Variants in SAXO1 observed in about 807,000 individuals in gnomAD.
SAXO1 encodes the protein stabilizer of axonemal microtubules 1, also known as 4930500O09Rik.
Under a neutral mutation model 17.5 loss-of-function variants are expected in SAXO1, and 21 were observed. That is an observed-to-expected ratio of 1.20 (90% CI 0.85 to 1.72). SAXO1 has a LOEUF of 1.72. Ranked by LOEUF, SAXO1 falls within the 40% of genes most tolerant of loss-of-function variation. The probability of loss-of-function intolerance (pLI) is 0.00; values close to 1 mark genes in which losing one functional copy is unlikely to be tolerated. For missense variants in SAXO1, 843 were observed against 596.0 expected (o/e 1.41, Z -4.32); for synonymous variants, 274 against 216.5 (o/e 1.27, Z -2.33).
At chr9:18,991,116 T>G (rs1040340900) in intron 1 of SAXO1, among the ~76,000 whole-genome samples, 2 of 151,926 alleles carry the variant, frequency 1.3e-5, no homozygotes, top group African/African-American at 4.8e-5. Context: ...AAACTAGACA[T>G]GCAAGGTGGT....
intron 1 of SAXO1, among the ~76,000 whole-genome samples, chr9:18,960,260 T>G (rs1309460791): frequency 6.6e-6 from 1 of 152,128 alleles, no homozygotes; most frequent in East Asian, 1.9e-4. Context: ...CCTCATCACC[T>G]CAGAGGGAGA....
intron 1 of SAXO1, among the ~76,000 whole-genome samples, chr9:19,015,833 T>C (rs1000543680): frequency 1.3e-5 from 2 of 152,124 alleles, no homozygotes; most frequent in African/African-American, 4.8e-5. Flanking sequence ...TGACACTCAA[T>C]GAAGTAACCA....
At chr9:19,032,030 C>A (rs1835796167) in intron 1 of SAXO1, among the ~76,000 whole-genome samples, 1 of 152,166 alleles carries the variant, frequency 6.6e-6, no homozygotes, top group Admixed American at 6.5e-5. Flanking sequence ...TTACAATAGT[C>A]CTATGAGGTA....
intron 1 of SAXO1, chr9:19,027,261 G>A (rs902426140): frequency 1.9e-5 from 19 of 1,018,752 alleles, no homozygotes; most frequent in South Asian, 2.5e-5. Flanking sequence ...GATTGGATTG[G>A]TGGATGTTGA....
At chr9:18,929,921 G>A (rs144963942) in intron 3 of SAXO1, among the ~76,000 whole-genome samples, 2 of 152,204 alleles carry the variant, frequency 1.3e-5, no homozygotes, top group South Asian at 4.1e-4. Context: ...TTGTGCTCAA[G>A]TCTTTCCATA....
At chr9:18,992,028 G>A (rs1833834580) in intron 1 of SAXO1, among the ~76,000 whole-genome samples, 1 of 152,170 alleles carries the variant, frequency 6.6e-6, no homozygotes, top group South Asian at 2.1e-4. Flanking sequence ...ATCCCAAAAT[G>A]CCAGGCACGA....
intron 2 of SAXO1, among the ~76,000 whole-genome samples, chr9:18,944,303 AT>A (rs1398907275): frequency 7.9e-5 from 12 of 152,348 alleles, no homozygotes; most frequent in African/African-American, 2.9e-4. Context: ...TTAGGAGTGA[AT>A]TTAATCAGAA....
At chr9:19,039,963 A>G (rs544979360) in intron 1 of SAXO1, among the ~76,000 whole-genome samples, 8 of 152,324 alleles carry the variant, frequency 5.3e-5, no homozygotes, top group Non-Finnish European at 8.8e-5. Flanking sequence ...TCCTCACCTC[A>G]GGTGATCTGC....
intron 1 of SAXO1, among the ~76,000 whole-genome samples, chr9:19,023,984 AAAG>A (rs1025449359): frequency 6.6e-6 from 1 of 151,106 alleles, no homozygotes; most frequent in Non-Finnish European, 1.5e-5. Context: ...ATATTTTAAA[AAAG>A]AAGAAGAAAT....
chr9:19,011,800 A>G (rs565493163), intron 1 of SAXO1, among the ~76,000 whole-genome samples: 3 of 151,442 alleles, frequency 2.0e-5, no homozygotes, highest in Non-Finnish European at 4.4e-5. Context: ...TCTTTCTCAA[A>G]TTCCATATTC....
chr9:18,972,544 G>T (rs1832979477), intron 1 of SAXO1, among the ~76,000 whole-genome samples: 1 of 152,048 alleles, frequency 6.6e-6, no homozygotes, highest in Non-Finnish European at 1.5e-5. Flanking sequence ...AATCTTATTA[G>T]AACAGAAGGT....
At chr9:19,014,027 G>A (rs1588532629) in intron 1 of SAXO1, among the ~76,000 whole-genome samples, 1 of 152,154 alleles carries the variant, frequency 6.6e-6, no homozygotes, top group Non-Finnish European at 1.5e-5. Flanking sequence ...TTAGTATACA[G>A]AGAGTTAAAC....
intron 1 of SAXO1, among the ~76,000 whole-genome samples, chr9:19,009,564 T>C (rs189529378): frequency 1.7e-4 from 26 of 149,794 alleles, no homozygotes; most frequent in African/African-American, 5.3e-4. Flanking sequence ...TGTGAAGTAA[T>C]AGAAACAATT....
chr9:18,940,622 G>A (rs929152060), intron 3 of SAXO1, among the ~76,000 whole-genome samples: 1 of 152,168 alleles, frequency 6.6e-6, no homozygotes, highest in Admixed American at 6.5e-5. Flanking sequence ...TCCGTGAACT[G>A]TTCAGCTTGT....
intron 1 of SAXO1, among the ~76,000 whole-genome samples, chr9:19,011,494 T>A (rs1220390190): frequency 6.6e-6 from 1 of 152,214 alleles, no homozygotes; most frequent in African/African-American, 2.4e-5. Flanking sequence ...CCCAAAGTTT[T>A]CATAAGCATC....
intron 1 of SAXO1, among the ~76,000 whole-genome samples, chr9:18,986,613 A>T (rs1833603874): frequency 6.6e-6 from 1 of 152,062 alleles, no homozygotes; most frequent in Admixed American, 6.6e-5. Flanking sequence ...CAAAGGAGAA[A>T]AAAAAAAGGG....
chr9:19,028,153 C>T lies in SAXO1; in HGVS notation c.38+4718G>A, dbSNP rs531781514. 3.2e-5 allele frequency: 49 copies of T among 1,513,762 alleles called. 1 individual carries two copies. The highest frequency in any genetic ancestry group is 3.1e-4 in the South Asian group (27 of 88,076). The allele number at this position is 1,513,762 out of a possible 1,614,324, so 93.8% of individuals were successfully genotyped here. A position where few individuals can be genotyped will look rare whatever the true frequency, so the allele number is the denominator to read the frequency against. ...CGCCTAGGGCACGGCAGGCCAGCCC[C>T]GGACTCGCGGCTGAAGTGCGCAATA... On this transcript the variant is annotated intron_variant, in intron 1 of 3. Transcript: ENST00000380534.
intron 1 of SAXO1, among the ~76,000 whole-genome samples, chr9:19,046,962 A>G (rs1168645431): frequency 6.6e-6 from 1 of 152,224 alleles, no homozygotes; most frequent in African/African-American, 2.4e-5. Context: ...TGAGGCGGGC[A>G]GATCACTTAA....
intron 1 of SAXO1, among the ~76,000 whole-genome samples, chr9:18,961,417 C>T (rs1356117004): frequency 6.6e-6 from 1 of 152,142 alleles, no homozygotes; most frequent in Non-Finnish European, 1.5e-5. Flanking sequence ...TATACATGTG[C>T]CATGGTGGTT....
Sources: gnomAD v4.1 joint callset for allele counts (sites outside exome capture counted in the v4.1 genomes callset) on GRCh38, gnomAD v4.1.1 for gene constraint, MANE v1.5 for transcripts, NCBI Gene and HGNC (gene_info 2026-07-23, HGNC 2026-07-21) for gene names.